The following DOCK4 variants were observed in gnomAD, a reference collection of about 807,000 sequenced individuals.
The protein encoded by DOCK4 is dedicator of cytokinesis protein 4.
DOCK4 carries 97 observed loss-of-function variants against 268.1 expected under a neutral mutation model. The ratio of observed to expected loss-of-function variants is 0.36; its 90% confidence interval spans 0.31 to 0.43. DOCK4 has a LOEUF of 0.43. DOCK4 is among the 20% of genes least tolerant of loss of function. DOCK4 has a pLI of 1.00. For missense variants in DOCK4, 2,145 were observed against 2,455.7 expected, an observed-to-expected ratio of 0.87 and a Z score of 2.67; for synonymous variants, 954 against 887.2, an observed-to-expected ratio of 1.08 and a Z score of -1.34.
At chr7:112,074,807 C>A (rs561966840) in intron 1 of DOCK4, among the ~76,000 whole-genome samples, 2 of 152,290 alleles carry the variant, frequency 1.3e-5, no homozygotes, top group East Asian at 3.9e-4. Flanking sequence ...GACCTGGATC[C>A]CAGGCCCACA....
chr7:112,159,941 A>G (rs1816957074), intron 1 of DOCK4, among the ~76,000 whole-genome samples: 1 of 151,792 alleles, frequency 6.6e-6, no homozygotes, highest in Non-Finnish European at 1.5e-5. Flanking sequence ...CCCAAATCCC[A>G]AAACCCAAAA....
chr7:111,926,509 G>T (rs1793687259), intron 12 of DOCK4, among the ~76,000 whole-genome samples: 3 of 144,294 alleles, frequency 2.1e-5, no homozygotes, highest in Admixed American at 6.9e-5. Context: ...AAAAAAAGAA[G>T]GAAGAAAAAA....
intron 1 of DOCK4, chr7:112,023,726 C>A: frequency 2.5e-6 from 1 of 406,568 alleles, no homozygotes; most frequent in Non-Finnish European, 4.9e-6. Flanking sequence ...AAAGGGGGTG[C>A]ATACCTTGTG....
chr7:112,091,296 T>C (rs1425608803), intron 1 of DOCK4, among the ~76,000 whole-genome samples: 1 of 152,070 alleles, frequency 6.6e-6, no homozygotes, highest in Non-Finnish European at 1.5e-5. Context: ...AGGGTATACA[T>C]GAGATTTGAA....
intron 8 of DOCK4, chr7:111,976,626 T>C (rs565813275): frequency 6.6e-6 from 1 of 152,088 alleles, no homozygotes; most frequent in South Asian, 2.1e-4. Flanking sequence ...CTCAGAGAAC[T>C]GCGAAAGAAA....
chr7:111,870,112 C>T (rs2134225755), intron 20 of DOCK4, among the ~76,000 whole-genome samples: 1 of 152,260 alleles, frequency 6.6e-6, no homozygotes, highest in South Asian at 2.1e-4. Context: ...CTGCTATGCA[C>T]ACCTTATGGA....
At chr7:112,131,073 C>T (rs1046611596) in intron 1 of DOCK4, among the ~76,000 whole-genome samples, 5 of 152,096 alleles carry the variant, frequency 3.3e-5, no homozygotes, top group East Asian at 1.9e-4. Flanking sequence ...AATGGCCGGC[C>T]GTATGCCATA....
chr7:112,130,478 A>G (rs189574046), intron 1 of DOCK4, among the ~76,000 whole-genome samples: 143 of 152,328 alleles, frequency 9.4e-4, no homozygotes, highest in Non-Finnish European at 1.7e-3. Context: ...GGTTCTCCCA[A>G]TAAGTATAAT....
intron 1 of DOCK4, among the ~76,000 whole-genome samples, chr7:112,203,583 T>G (rs964665030): frequency 2.0e-5 from 3 of 152,150 alleles, no homozygotes; most frequent in South Asian, 2.1e-4. Flanking sequence ...ACGTCACATA[T>G]TCTGTTACAA....
At position 112,057,294 on chromosome 7, in the gene DOCK4, A is replaced by G. The variant is rs369804935; in HGVS notation, c.38-53163T>C. Among the ~76,000 whole-genome samples the G allele has an allele frequency of 1.7e-3, 259 of 152,136 alleles. 1 individual carries two copies. The highest frequency in any genetic ancestry group is 6.0e-3 in the African/African-American group (251 of 41,544). The stretch of plus-strand genomic sequence containing the variant: ...CACAGTGGCTTAGTCTGGAATCCCA[A>G]CACTTTGGGACTTTGGGATGCTGAG... On this transcript the variant is annotated intron_variant, in intron 1 of 52. Coordinates refer to ENST00000428084, the MANE Select transcript of DOCK4 (RefSeq NM_001363540.2).
intron 1 of DOCK4, among the ~76,000 whole-genome samples, chr7:112,199,777 G>C (rs926330964): frequency 6.6e-6 from 1 of 152,174 alleles, no homozygotes; most frequent in African/African-American, 2.4e-5. Flanking sequence ...TTCTGTTATA[G>C]TGACCAGAGA....
At chr7:111,926,438 C>CAGAGAG (rs71524824) in intron 12 of DOCK4, among the ~76,000 whole-genome samples, 5 of 62,590 alleles carry the variant, frequency 8.0e-5, no homozygotes, top group Non-Finnish European at 1.3e-4. Flanking sequence ...AAAAGAAAGA[C>CAGAGAG]AGAGAGAGAG....
intron 16 of DOCK4, among the ~76,000 whole-genome samples, chr7:111,881,399 C>T (rs929030576): frequency 6.6e-6 from 1 of 152,122 alleles, no homozygotes; most frequent in Non-Finnish European, 1.5e-5. Context: ...GGTAAAATGG[C>T]TTTTATCCAA....
chr7:111,807,757 T>C (rs1800788289), intron 30 of DOCK4: 1 of 152,250 alleles, frequency 6.6e-6, no homozygotes, highest in Admixed American at 6.5e-5. Context: ...ATTACAGGCA[T>C]GAGCCATTGC....
intron 41 of DOCK4, 30 bp from the exon 42 acceptor site, chr7:111,755,631 C>A: frequency 1.2e-6 from 2 of 1,604,832 alleles, no homozygotes; most frequent in Non-Finnish European, 1.7e-6. Context: ...TTAAGTCTCC[C>A]AAGTTGCCCT....
chr7:111,885,117 T>C (rs1807724383), intron 16 of DOCK4, among the ~76,000 whole-genome samples: 1 of 152,200 alleles, frequency 6.6e-6, no homozygotes, highest in Non-Finnish European at 1.5e-5. Flanking sequence ...AAAGTATGGT[T>C]TGGCACTGCC....
chr7:111,887,748 C>T (rs1252274537), intron 16 of DOCK4, among the ~76,000 whole-genome samples: 1 of 136,614 alleles, frequency 7.3e-6, no homozygotes, highest in Non-Finnish European at 1.5e-5. Context: ...GAACATGGTG[C>T]CTATTTAAAA....
chr7:111,984,092 G>A lies in DOCK4; in HGVS notation c.549+214C>T, dbSNP rs114389081. ...TGTATTGACTTCCTGGTGCCTGGGC[G>A]TTGAGGGCCCACTGGAGAGTATCAT... On this transcript the variant is annotated intron_variant, in intron 7 of 52. Transcript: ENST00000428084. 4.5e-3 allele frequency among the ~76,000 whole-genome samples: 688 copies of A among 152,214 alleles called. 4 individuals carry two copies. Among genetic ancestry groups the A allele is most frequent in the African/African-American group, 0.016 (665 of 41,534 alleles).
chr7:112,079,230 C>T (rs921601624), intron 1 of DOCK4, among the ~76,000 whole-genome samples: 1 of 152,060 alleles, frequency 6.6e-6, no homozygotes, highest in African/African-American at 2.4e-5. Context: ...TGAATTCCTG[C>T]ACATCTGTTT....
Sources: gnomAD v4.1 joint callset for allele counts (sites outside exome capture counted in the v4.1 genomes callset) on GRCh38, gnomAD v4.1.1 for gene constraint, MANE v1.5 for transcripts, NCBI Gene and HGNC (gene_info 2026-07-23, HGNC 2026-07-21) for gene names.